The following HMCN1 variants were observed in gnomAD, a reference collection of about 807,000 sequenced individuals.
HMCN1 encodes hemicentin 1, also known as hemicentin-1.
Under a neutral mutation model 625.9 loss-of-function variants are expected in HMCN1, and 321 were observed. That is an observed-to-expected ratio of 0.51 (90% CI 0.47 to 0.56). The LOEUF is 0.56. Ranked by LOEUF, HMCN1 falls within the 20% of genes least tolerant of loss-of-function variation. The pLI, the probability that HMCN1 is intolerant of heterozygous loss-of-function variation, is 0.00. For missense variants in HMCN1, 6,588 were observed against 6,887.3 expected (o/e 0.96, Z 1.54); for synonymous variants, 2,425 against 2,417.6 (o/e 1.00, Z -0.09).
intron 57 of HMCN1, among the ~76,000 whole-genome samples, chr1:186,085,845 T>C (rs1342041288): frequency 6.6e-6 from 1 of 152,110 alleles, no homozygotes; most frequent in Non-Finnish European, 1.5e-5. Context: ...AATCTCCTCC[T>C]GTCTCTTTAA....
intron 86 of HMCN1, among the ~76,000 whole-genome samples, chr1:186,132,976 G>A (rs539239166): frequency 5.9e-5 from 9 of 152,104 alleles, no homozygotes; most frequent in South Asian, 2.1e-4. Flanking sequence ...TGAACTCATC[G>A]TTTTTTATAG....
Position 186,007,300 on chromosome 1 carries a change from A to C in HMCN1, c.4630+18A>C. Reference sequence around the variant, plus strand: ...TATCTATAGTAAGTGCGATTGTCTTATGCTTTTTATTGTCTGCTCTCATTA... The same window carrying C: ...TATCTATAGTAAGTGCGATTGTCTTCTGCTTTTTATTGTCTGCTCTCATTA... On this transcript the variant is annotated intron_variant, in intron 30 of 106. Coordinates refer to ENST00000271588, the MANE Select transcript of HMCN1 (RefSeq NM_031935.3). 6.2e-7 allele frequency: 1 copy of C among 1,611,546 alleles called. No homozygotes were observed. The highest frequency in any genetic ancestry group is 2.2e-5 in the East Asian group (1 of 44,794).
intron 81 of HMCN1, 63 bp from the exon 82 acceptor site, chr1:186,125,541 A>G: frequency 7.8e-7 from 1 of 1,278,888 alleles, no homozygotes; most frequent in South Asian, 1.2e-5. Context: ...GTTAATTTTT[A>G]TTGTGAATAA....
chr1:185,919,841 T>C (rs1666913124), intron 6 of HMCN1, among the ~76,000 whole-genome samples: 1 of 152,188 alleles, frequency 6.6e-6, no homozygotes, highest in South Asian at 2.1e-4. Context: ...ACAGGGACTT[T>C]TGTGAGGATT....
chr1:185,789,316 G>A (rs1426655875), intron 1 of HMCN1, among the ~76,000 whole-genome samples: 1 of 152,164 alleles, frequency 6.6e-6, no homozygotes, highest in African/African-American at 2.4e-5. Context: ...CAGGTGGTTC[G>A]TGAGCACTCA....
intron 1 of HMCN1, among the ~76,000 whole-genome samples, chr1:185,787,583 CACT>C (rs1657711392): frequency 6.6e-6 from 1 of 152,188 alleles, no homozygotes; most frequent in Non-Finnish European, 1.5e-5. Flanking sequence ...AAATCCTTAG[CACT>C]TTCATTGTCA....
chr1:185,766,971 C>T (rs1168708102), intron 1 of HMCN1, among the ~76,000 whole-genome samples: 1 of 150,834 alleles, frequency 6.6e-6, no homozygotes, highest in South Asian at 2.1e-4. Context: ...AACTAAAATC[C>T]TAGCAGATTT....
At chr1:185,948,525 A>T (rs932460882) in intron 11 of HMCN1, among the ~76,000 whole-genome samples, 4 of 151,574 alleles carry the variant, frequency 2.6e-5, no homozygotes, top group Admixed American at 2.0e-4. Flanking sequence ...AGGATGAGCC[A>T]GGAAAAGGAC....
chr1:185,837,762 A>G (rs1283920948), intron 1 of HMCN1, among the ~76,000 whole-genome samples: 2 of 152,206 alleles, frequency 1.3e-5, no homozygotes, highest in African/African-American at 4.8e-5. Context: ...TTTTAGGATA[A>G]TACAGTAAAT....
rs1481707444 is a variant in HMCN1 at position 186,151,184 on chromosome 1, T to C, written c.14609-16T>C. On this transcript the variant is annotated splice_polypyrimidine_tract_variant and intron_variant, in intron 93 of 106. Transcript: ENST00000271588. ...ATTGCATCCTTATCCAGGAATGTTTTTTTTTCCCCCAATAGGTGGGCCCCA... is the reference window on the plus strand; with the variant it reads ...ATTGCATCCTTATCCAGGAATGTTTCTTTTTCCCCCAATAGGTGGGCCCCA... 3 of 1,613,442 alleles carry C rather than the reference T, an allele frequency of 1.9e-6. No individual in the cohort carries two copies. Among genetic ancestry groups the C allele is most frequent in the East Asian group, 2.2e-5 (1 of 44,884 alleles).
rs764285311 is a variant in HMCN1, at chr1:186,137,860, C to T, written c.13812C>T (p.Arg4604=). The change falls in exon 89 of 107, where the codon CGC becomes CGT. Residue 4604 remains arginine (R), a synonymous_variant. Transcript: ENST00000271588. ...AAGAATGCACAAGGAGCTGTGGACG[C>T]GGCAACCAAACCAGGACCAGGACTT... ...LWEECTRSCG[R]GNQTRTRTCN... The T allele has an allele frequency of 3.2e-5, 52 of 1,613,866 alleles. No homozygotes were observed. The highest frequency in any genetic ancestry group is 5.0e-5 in the Admixed American group (3 of 59,968).
At chr1:186,107,863 A>G (rs1460942230) in intron 70 of HMCN1, among the ~76,000 whole-genome samples, 1 of 152,086 alleles carries the variant, frequency 6.6e-6, no homozygotes, top group Non-Finnish European at 1.5e-5. Flanking sequence ...GACTCGTCCA[A>G]TATGCTTTTG....
intron 69 of HMCN1, 82 bp downstream of exon 69, chr1:186,103,750 C>A: frequency 8.6e-7 from 1 of 1,163,310 alleles, no homozygotes; most frequent in Non-Finnish European, 1.2e-6. Context: ...TAAATTATGT[C>A]TTTGAATCCT....
At chr1:185,857,717 T>A (rs545002051) in intron 2 of HMCN1, among the ~76,000 whole-genome samples, 1 of 152,154 alleles carries the variant, frequency 6.6e-6, no homozygotes, top group Non-Finnish European at 1.5e-5. Flanking sequence ...GTATGTTAAG[T>A]GTACCTCGAA....
Position 186,117,525 on chromosome 1 carries a change from C to T in HMCN1, c.11750C>T (p.Thr3917Ile). 1.2e-6 allele frequency: 2 copies of T among 1,613,616 alleles called. No homozygotes were observed. The highest frequency in any genetic ancestry group is 8.5e-7 in the Non-Finnish European group (1 of 1,179,572). ...LVTKHAPAVI[T>I]CTASGVPFPS... ...ACCAAACATGCCCCAGCAGTAATTA[C>T]CTGCACTGCTTCGGGAGTTCCATTT... The change falls in exon 77 of 107, where the codon ACC (threonine) becomes ATC (isoleucine). Residue 3917 changes from threonine (T) to isoleucine (I), a missense_variant. This residue lies in a region of HMCN1 where 4,628 missense variants were observed against 4,853.1 expected (regional missense o/e 0.95). Coordinates refer to ENST00000271588, the MANE Select transcript of HMCN1 (RefSeq NM_031935.3).
At position 185,923,661 on chromosome 1, in the gene HMCN1, A is replaced by G; in HGVS notation, c.1285+8A>G. 6.3e-7 allele frequency: 1 copy of G among 1,593,414 alleles called. No individual in the cohort carries two copies. Among genetic ancestry groups the G allele is most frequent in the Non-Finnish European group, 8.5e-7 (1 of 1,170,186 alleles). On this transcript the variant is annotated splice_region_variant and intron_variant, in intron 8 of 106. Coordinates refer to ENST00000271588, the MANE Select transcript of HMCN1 (RefSeq NM_031935.3). ...TTTCTAGTATTGTCCCAGGTGAGACATCATTTTATTCAACATTGAAATATT... is the reference window on the plus strand; with the variant it reads ...TTTCTAGTATTGTCCCAGGTGAGACGTCATTTTATTCAACATTGAAATATT...
intron 48 of HMCN1, among the ~76,000 whole-genome samples, chr1:186,063,460 A>T (rs1272180350): frequency 2.8e-5 from 1 of 35,948 alleles, no homozygotes; most frequent in Non-Finnish European, 4.7e-5. Context: ...GAAGGAAGGA[A>T]GGAAGGAAGG....
chr1:186,076,381 G>A, intron 53 of HMCN1, 47 bp from the exon 54 acceptor site: 1 of 1,544,424 alleles, frequency 6.5e-7, no homozygotes, highest in Non-Finnish European at 8.9e-7. Flanking sequence ...CAAGATCTTT[G>A]TTTAAGCATT....
rs564130147 is a variant in HMCN1, at chr1:185,995,353, A to G, written c.3778+266A>G. On this transcript the variant is annotated intron_variant, in intron 24 of 106. Coordinates refer to ENST00000271588, the MANE Select transcript of HMCN1 (RefSeq NM_031935.3). ...CAGAAACAATCCTAGATGATGCCCCACCCACTATTTTTGGTTTGGGAGACA... is the reference window on the plus strand; with the variant it reads ...CAGAAACAATCCTAGATGATGCCCCGCCCACTATTTTTGGTTTGGGAGACA... Among the ~76,000 whole-genome samples, 19 of 152,166 alleles carry G rather than the reference A, an allele frequency of 1.2e-4. No homozygotes were observed. The South Asian group carries it at 3.9e-3, about 32-fold the overall frequency.
Sources: gnomAD v4.1 joint callset for allele counts (sites outside exome capture counted in the v4.1 genomes callset) on GRCh38, gnomAD v4.1.1 for gene constraint, gnomAD v4.1.1 regional missense constraint, MANE v1.5 for transcripts, NCBI Gene and HGNC (gene_info 2026-07-23, HGNC 2026-07-21) for gene names.